CACNA1C: variants seen among roughly 807,000 people sequenced by gnomAD.
CACNA1C encodes the protein voltage-dependent L-type calcium channel subunit alpha-1C.
Under a neutral mutation model 229.0 loss-of-function variants are expected in CACNA1C, and 30 were observed. The observed-to-expected ratio is 0.13, with a 90% confidence interval of 0.10 to 0.18. The LOEUF (loss-of-function observed/expected upper bound fraction) is 0.18. CACNA1C is among the 10% of genes least tolerant of loss of function. CACNA1C has a pLI of 1.00. For missense variants in CACNA1C, 1,658 were observed against 2,845.0 expected (o/e 0.58, Z 9.49); for synonymous variants, 1,114 against 1,132.5 (o/e 0.98, Z 0.33).
intron 1 of CACNA1C, among the ~76,000 whole-genome samples, chr12:2,110,524 T>C (rs1048365462): frequency 3.3e-5 from 5 of 152,186 alleles, no homozygotes; most frequent in Non-Finnish European, 7.3e-5. Flanking sequence ...CTTTATAATT[T>C]GAAAATTGAT....
At chr12:2,239,827 G>A (rs111710207) in intron 3 of CACNA1C, among the ~76,000 whole-genome samples, 1 of 152,190 alleles carries the variant, frequency 6.6e-6, no homozygotes, top group Non-Finnish European at 1.5e-5. Context: ...TCTGCGGGGG[G>A]CGGTGAAGGC....
rs113946184 is a variant in CACNA1C, at chr12:2,526,801, G to C, written c.1390+13817G>C. ...CTAAGAAGAGAATGAATAAAGAAAA[G>C]TGTAGCCATTTACTCAGTCATAAAA... is the stretch of plus-strand genomic sequence containing the variant. On this transcript the variant is annotated intron_variant, in intron 9 of 46. Transcript: ENST00000399655. Among the ~76,000 whole-genome samples the C allele has an allele frequency of 7.3e-3, 1,110 of 152,310 alleles. 11 individuals are homozygous for C. Among genetic ancestry groups the C allele is most frequent in the African/African-American group, 0.026 (1,073 of 41,576 alleles).
At chr12:2,068,643 G>C (rs772711905) in intron 1 of CACNA1C, among the ~76,000 whole-genome samples, 1 of 152,160 alleles carries the variant, frequency 6.6e-6, no homozygotes, top group Non-Finnish European at 1.5e-5. Context: ...TCCATTTTTG[G>C]CTAGGGAAGT....
intron 42 of CACNA1C, chr12:2,680,560 C>G (rs1302307460): frequency 6.4e-7 from 1 of 1,565,838 alleles, no homozygotes; most frequent in Non-Finnish European, 8.7e-7. Context: ...GGCTGCACAG[C>G]CCCCCAGCAT....
At chr12:2,190,893 T>G (rs549345183) in intron 3 of CACNA1C, among the ~76,000 whole-genome samples, 2 of 152,290 alleles carry the variant, frequency 1.3e-5, no homozygotes, top group East Asian at 3.9e-4. Flanking sequence ...TTTAAACCCC[T>G]GAGTCTGGCT....
intron 3 of CACNA1C, among the ~76,000 whole-genome samples, chr12:2,387,438 T>C (rs1379503075): frequency 2.0e-5 from 3 of 151,616 alleles, no homozygotes; most frequent in African/African-American, 4.9e-5. Context: ...TGAGCCGAGA[T>C]TGCACCACGG....
intron 3 of CACNA1C, among the ~76,000 whole-genome samples, chr12:2,379,217 G>T (rs1180059582): frequency 6.6e-6 from 1 of 152,158 alleles, no homozygotes; most frequent in African/African-American, 2.4e-5. Flanking sequence ...CAATTTTCTG[G>T]GTCCTGACTG....
At chr12:2,491,962 TTCTCTCTCTCTCTCTC>T (rs57394200) in intron 6 of CACNA1C, among the ~76,000 whole-genome samples, 48 of 147,132 alleles carry the variant, frequency 3.3e-4, no homozygotes, top group African/African-American at 1.1e-3. Context: ...TATAAGCAAA[TTCTCTCTCTCTCTCTC>T]TCTCTCTCTC....
intron 3 of CACNA1C, among the ~76,000 whole-genome samples, chr12:2,371,696 A>G (rs1174122259): frequency 1.7e-5 from 1 of 58,710 alleles, no homozygotes; most frequent in African/African-American, 6.5e-5. Context: ...GGCACACAGG[A>G]AGCAAGCACA....
chr12:2,680,041 C>G (rs984826265), intron 42 of CACNA1C, among the ~76,000 whole-genome samples: 3 of 152,204 alleles, frequency 2.0e-5, no homozygotes, highest in African/African-American at 2.4e-5. Flanking sequence ...CCACAGGGCC[C>G]TCTCCTCTCC....
chr12:2,083,318 C>T (rs562362632), intron 1 of CACNA1C, among the ~76,000 whole-genome samples: 2 of 152,320 alleles, frequency 1.3e-5, no homozygotes, highest in South Asian at 4.1e-4. Context: ...CCTTTTCCCC[C>T]AAAGAGGCCC....
rs1336067381 is a variant in CACNA1C, at chr12:2,135,379, C to T, written c.477+14949C>T. ...CTGCGTTCCTTTGGAGGAGGAGAGGCGCTCTGATTTTTAGAGCTTCCAGTT... is the reference window on the plus strand; with the variant it reads ...CTGCGTTCCTTTGGAGGAGGAGAGGTGCTCTGATTTTTAGAGCTTCCAGTT... On this transcript the variant is annotated intron_variant, in intron 3 of 46. Transcript: ENST00000399655. 4.8e-3 allele frequency among the ~76,000 whole-genome samples: 691 copies of T among 145,108 alleles called. 12 individuals carry two copies. Among genetic ancestry groups the T allele is most frequent in the African/African-American group, 0.014 (508 of 37,268 alleles).
intron 3 of CACNA1C, among the ~76,000 whole-genome samples, chr12:2,183,434 G>C (rs1303845322): frequency 2.6e-5 from 4 of 152,222 alleles, no homozygotes; most frequent in South Asian, 2.1e-4. Context: ...GCCTTCTCTA[G>C]AGATTCTATT....
intron 4 of CACNA1C, among the ~76,000 whole-genome samples, chr12:2,451,720 C>G (rs997267951): frequency 1.3e-5 from 2 of 152,190 alleles, no homozygotes; most frequent in African/African-American, 4.8e-5. Context: ...AGGGGCCAGG[C>G]TTTTTCTGGG....
intron 34 of CACNA1C, among the ~76,000 whole-genome samples, chr12:2,661,187 A>C (rs978078927): frequency 6.6e-6 from 1 of 151,854 alleles, no homozygotes; most frequent in Non-Finnish European, 1.5e-5. Flanking sequence ...ACTTGGGCCC[A>C]GGAGTTTGAG....
intron 3 of CACNA1C, among the ~76,000 whole-genome samples, chr12:2,412,983 C>T (rs2098825147): frequency 6.6e-6 from 1 of 152,226 alleles, no homozygotes; most frequent in Non-Finnish European, 1.5e-5. Flanking sequence ...TAGAAAGATA[C>T]TCTCATAAAA....
chr12:2,439,840 G>T (rs377049993), intron 3 of CACNA1C, among the ~76,000 whole-genome samples: 4 of 152,016 alleles, frequency 2.6e-5, no homozygotes, highest in Non-Finnish European at 5.9e-5. Flanking sequence ...CTGCTTTGCT[G>T]TTAGGCTATT....
chr12:2,320,525 C>T (rs1464625921), intron 3 of CACNA1C, among the ~76,000 whole-genome samples: 3 of 152,192 alleles, frequency 2.0e-5, no homozygotes, highest in African/African-American at 4.8e-5. Flanking sequence ...CCTCTGCCCC[C>T]GCTCCTCCAT....
intron 3 of CACNA1C, among the ~76,000 whole-genome samples, chr12:2,384,579 A>C (rs2098334721): frequency 6.6e-6 from 1 of 152,062 alleles, no homozygotes; most frequent in Non-Finnish European, 1.5e-5. Flanking sequence ...GTTTGTGTAC[A>C]TGCCCTATTT....
Sources: allele counts gnomAD v4.1 joint callset (sites outside exome capture counted in the v4.1 genomes callset), GRCh38; gene constraint gnomAD v4.1.1; transcripts MANE v1.5; gene names NCBI Gene and HGNC (gene_info 2026-07-23, HGNC 2026-07-21).